The following ENAH variants were observed in gnomAD, a reference collection of about 807,000 sequenced individuals.
ENAH encodes the protein protein enabled homolog.
Under a neutral mutation model 78.7 loss-of-function variants are expected in ENAH, and 23 were observed. That is an observed-to-expected ratio of 0.29 (90% CI 0.21 to 0.41). ENAH has a LOEUF of 0.41. Ranked by LOEUF, ENAH falls within the 10% of genes least tolerant of loss-of-function variation. The probability of loss-of-function intolerance (pLI) is 1.00; values close to 1 mark genes in which losing one functional copy is unlikely to be tolerated. For missense variants in ENAH, 544 were observed against 691.0 expected, an observed-to-expected ratio of 0.79 and a Z score of 2.39; for synonymous variants, 226 against 241.0, an observed-to-expected ratio of 0.94 and a Z score of 0.58.
intron 1 of ENAH, among the ~76,000 whole-genome samples, chr1:225,638,848 A>G (rs1168085261): frequency 2.6e-5 from 4 of 152,278 alleles, no homozygotes; most frequent in Non-Finnish European, 5.9e-5. Context: ...CAAAATAGGT[A>G]CAAGGGTCTT....
intron 1 of ENAH, among the ~76,000 whole-genome samples, chr1:225,625,966 AAAG>A (rs780577654): frequency 7.2e-5 from 11 of 152,158 alleles, no homozygotes; most frequent in South Asian, 4.1e-4. Flanking sequence ...ATCCCCCATT[AAAG>A]AAGAAGGGAC....
At chr1:225,523,679 G>A (rs1007558006) in intron 4 of ENAH, among the ~76,000 whole-genome samples, 7 of 152,092 alleles carry the variant, frequency 4.6e-5, no homozygotes, top group Non-Finnish European at 1.0e-4. Flanking sequence ...AAAATCTCTG[G>A]CTTCCGAATC....
At chr1:225,649,303 C>T (rs931747682) in intron 1 of ENAH, among the ~76,000 whole-genome samples, 1 of 151,846 alleles carries the variant, frequency 6.6e-6, no homozygotes, top group Non-Finnish European at 1.5e-5. Flanking sequence ...TATTTTAATA[C>T]GGATCCAAGA....
chr1:225,506,400 C>G (rs2096329848), intron 11 of ENAH, among the ~76,000 whole-genome samples: 1 of 152,146 alleles, frequency 6.6e-6, no homozygotes, highest in South Asian at 2.1e-4. Context: ...GTTAGCCAAG[C>G]TGGTCTCAAA....
At chr1:225,638,721 A>C (rs2148424476) in intron 1 of ENAH, among the ~76,000 whole-genome samples, 1 of 152,330 alleles carries the variant, frequency 6.6e-6, no homozygotes, top group Non-Finnish European at 1.5e-5. Context: ...GAGCTGATCA[A>C]ATCTAAATTT....
rs1485013078 is a variant in ENAH at position 225,489,208 on chromosome 1, T to C, written c.*8567A>G. 6.6e-6 allele frequency: 1 copy of C among 152,180 alleles called. No individual in the cohort carries two copies. The highest frequency in any genetic ancestry group is 2.4e-5 in the African/African-American group (1 of 41,438). 9.4% of individuals were successfully genotyped at this position (152,180 alleles called of 1,614,324 possible). The stretch of plus-strand genomic sequence containing the variant: ...ATGGACCTTCTGCTATTCATATAAT[T>C]GGAGCATGGATCTCGTGTGGTCCCA... On this transcript the variant is annotated 3_prime_UTR_variant, in exon 14 of 14. Transcript: ENST00000366843.
chr1:225,518,176 C>T (rs557807192), intron 5 of ENAH, among the ~76,000 whole-genome samples: 206 of 152,304 alleles, frequency 1.4e-3, no homozygotes, highest in African/African-American at 4.8e-3. Context: ...CTTGTAAATA[C>T]ATTTTGAGAT....
chr1:225,595,571 T>TA (rs1271072180), intron 1 of ENAH, among the ~76,000 whole-genome samples: 1 of 152,186 alleles, frequency 6.6e-6, no homozygotes, highest in Non-Finnish European at 1.5e-5. Flanking sequence ...TAAAATATGA[T>TA]ATTCATACCC....
intron 3 of ENAH, among the ~76,000 whole-genome samples, chr1:225,539,357 T>G (rs2096578017): frequency 6.6e-6 from 1 of 152,168 alleles, no homozygotes; most frequent in Non-Finnish European, 1.5e-5. Flanking sequence ...CATTAATTTT[T>G]CTCATCCATT....
intron 8 of ENAH, 76 bp from the exon 9 acceptor site, chr1:225,512,790 A>C (rs1474306656): frequency 1.2e-6 from 2 of 1,608,166 alleles, no homozygotes; most frequent in Non-Finnish European, 1.7e-6. Flanking sequence ...CGAGGAAAGA[A>C]GTGCATCTAG....
intron 2 of ENAH, among the ~76,000 whole-genome samples, chr1:225,561,197 C>T (rs1411274286): frequency 2.0e-5 from 3 of 152,154 alleles, no homozygotes; most frequent in Non-Finnish European, 4.4e-5. Context: ...CGCACCACTG[C>T]ACGCCAGCCT....
At chr1:225,506,686 T>G (rs2096333318) in intron 11 of ENAH, among the ~76,000 whole-genome samples, 1 of 152,228 alleles carries the variant, frequency 6.6e-6, no homozygotes, top group Non-Finnish European at 1.5e-5. Context: ...ATGATCATCT[T>G]TCAATCACTT....
intron 1 of ENAH, among the ~76,000 whole-genome samples, chr1:225,574,619 AGGCCGGGCGCGGTGGCTC>A (rs2096779177): frequency 3.5e-5 from 1 of 28,442 alleles, no homozygotes; most frequent in South Asian, 6.0e-4. Context: ...TATAAAAAAA[AGGCCGGGCGCGGTGGCTC>A]ACGCCTGTAA....
At chr1:225,578,460 G>A (rs762735897) in intron 1 of ENAH, among the ~76,000 whole-genome samples, 4 of 152,186 alleles carry the variant, frequency 2.6e-5, no homozygotes, top group Non-Finnish European at 5.9e-5. Context: ...GGGCGACAGA[G>A]CGAGACACTC....
chr1:225,602,018 TAAG>T (rs1263251291), intron 1 of ENAH, among the ~76,000 whole-genome samples: 3 of 151,820 alleles, frequency 2.0e-5, no homozygotes, highest in Admixed American at 6.6e-5. Flanking sequence ...AATGAACAAT[TAAG>T]AAGATAACAA....
intron 1 of ENAH, among the ~76,000 whole-genome samples, chr1:225,576,351 T>A (rs1443981158): frequency 6.6e-6 from 1 of 152,006 alleles, no homozygotes; most frequent in Non-Finnish European, 1.5e-5. Flanking sequence ...TAATTGTACT[T>A]GTAAGTCTGC....
chr1:225,586,501 G>A (rs79119723), intron 1 of ENAH, among the ~76,000 whole-genome samples: 6,603 of 151,828 alleles, frequency 0.043, 238 homozygotes, highest in South Asian at 0.12. Flanking sequence ...TGAGACCAGC[G>A]TGATCCCAAC....
chr1:225,529,214 CAGT>C (rs1164025653), intron 4 of ENAH, among the ~76,000 whole-genome samples: 3 of 152,308 alleles, frequency 2.0e-5, no homozygotes, highest in Non-Finnish European at 4.4e-5. Context: ...AAATTCTTCA[CAGT>C]AGCCTGCAAG....
At chr1:225,565,463 T>C (rs2096730065) in intron 2 of ENAH, among the ~76,000 whole-genome samples, 1 of 152,094 alleles carries the variant, frequency 6.6e-6, no homozygotes, top group African/African-American at 2.4e-5. Context: ...AAGAATTTCT[T>C]TCTGATTATC....
Sources: allele counts gnomAD v4.1 joint callset (sites outside exome capture counted in the v4.1 genomes callset), GRCh38; gene constraint gnomAD v4.1.1; transcripts MANE v1.5; gene names NCBI Gene and HGNC (gene_info 2026-07-23, HGNC 2026-07-21).